Variants in PATJ observed in about 807,000 individuals in gnomAD.
The protein encoded by PATJ is PATJ crumbs cell polarity complex component, also known as inaD-like protein.
PATJ carries 190 observed loss-of-function variants against 224.9 expected under a neutral mutation model. The observed-to-expected ratio is 0.84, with a 90% CI of 0.75 to 0.95. The LOEUF (loss-of-function observed/expected upper bound fraction) is 0.95, where lower values mean the gene tolerates loss of function less well. Ranked by LOEUF, PATJ falls within the 40% of genes least tolerant of loss-of-function variation. PATJ has a pLI of 0.00. For synonymous variants in PATJ, 769 were observed against 820.3 expected (o/e 0.94, Z 1.07); for missense variants, 2,121 against 2,270.3 (o/e 0.93, Z 1.34).
intron 14 of PATJ, among the ~76,000 whole-genome samples, chr1:61,812,396 A>AGAGAG (rs1654999435): frequency 2.8e-5 from 1 of 35,472 alleles, no homozygotes; most frequent in African/African-American, 1.0e-4. Flanking sequence ...GAGAGAGAGA[A>AGAGAG]TGTGAGTGAC....
intron 1 of PATJ, among the ~76,000 whole-genome samples, chr1:61,757,364 A>G (rs1645707747): frequency 1.3e-5 from 2 of 151,002 alleles, no homozygotes; most frequent in Non-Finnish European, 3.0e-5. Context: ...GAGCCACTGC[A>G]TTGGGCCCTA....
At chr1:61,941,736 T>G (rs1677855603) in intron 27 of PATJ, among the ~76,000 whole-genome samples, 1 of 152,224 alleles carries the variant, frequency 6.6e-6, no homozygotes, top group Non-Finnish European at 1.5e-5. Flanking sequence ...AACTTTTTAA[T>G]AAATTTTAAT....
Position 62,084,659 on chromosome 1 carries a change from A to G in PATJ, c.4377+11A>G, listed in dbSNP as rs1161044307. 3.7e-6 allele frequency: 6 copies of G among 1,611,932 alleles called. No individual in the cohort carries two copies. The highest frequency in any genetic ancestry group is 5.1e-6 in the Non-Finnish European group (6 of 1,179,244). ...AAAGACACACCCTTGGTAAGTTTCTAGAAATAAAATGTATCCACTGTCATA... is the reference window on the plus strand; with the variant it reads ...AAAGACACACCCTTGGTAAGTTTCTGGAAATAAAATGTATCCACTGTCATA... On this transcript the variant is annotated intron_variant, in intron 33 of 43. Transcript: ENST00000642238.
intron 14 of PATJ, among the ~76,000 whole-genome samples, chr1:61,812,897 T>C (rs1174367760): frequency 6.6e-6 from 1 of 152,030 alleles, no homozygotes; most frequent in Non-Finnish European, 1.5e-5. Flanking sequence ...CGAAAGACCC[T>C]GGGGTGTTTA....
At chr1:61,833,906 T>TTC in intron 17 of PATJ, 121 bp downstream of exon 17, 3 of 777,680 alleles carry the variant, frequency 3.9e-6, no homozygotes, top group Non-Finnish European at 6.1e-6. Flanking sequence ...AAAGATGGGA[T>TTC]ATTATACTAC....
chr1:62,082,170 G>T (rs1315877849), intron 32 of PATJ, among the ~76,000 whole-genome samples: 2 of 152,088 alleles, frequency 1.3e-5, no homozygotes, highest in African/African-American at 4.8e-5. Flanking sequence ...CCATAGGCTG[G>T]CCATAGGCTA....
chr1:61,855,191 C>T (rs1017325233), intron 17 of PATJ, among the ~76,000 whole-genome samples: 2 of 152,200 alleles, frequency 1.3e-5, no homozygotes, highest in East Asian at 3.9e-4. Flanking sequence ...AGAGGAGTAA[C>T]AGACAGGCTT....
intron 41 of PATJ, among the ~76,000 whole-genome samples, chr1:62,141,872 A>T (rs1667539804): frequency 6.6e-6 from 1 of 152,110 alleles, no homozygotes; most frequent in Admixed American, 6.5e-5. Context: ...TGGGAGGCGG[A>T]GGCAAGAGAA....
chr1:61,905,057 C>G (rs1671678084), intron 24 of PATJ, among the ~76,000 whole-genome samples: 1 of 148,170 alleles, frequency 6.7e-6, no homozygotes, highest in African/African-American at 2.5e-5. Context: ...CCTCTATCTA[C>G]AAAGAAACTA....
At position 62,139,110 on chromosome 1, in the gene PATJ, G is replaced by A. The variant is rs1168125504; in HGVS notation, c.5272-9174G>A. ...GAGTGTAAGATTTACTTTTAAAAAAGAGCAAACTGGCCGGGCACGGTGGCT... is the reference window on the plus strand; with the variant it reads ...GAGTGTAAGATTTACTTTTAAAAAAAAGCAAACTGGCCGGGCACGGTGGCT... On this transcript the variant is annotated intron_variant, in intron 41 of 43. Transcript: ENST00000642238. Among the ~76,000 whole-genome samples the A allele has an allele frequency of 5.3e-5, 8 of 152,106 alleles. No individual in the cohort carries two copies. In the East Asian group the frequency reaches 1.5e-3, roughly 29 times the overall value.
At chr1:61,807,397 G>A (rs1309692098) in intron 13 of PATJ, among the ~76,000 whole-genome samples, 6 of 151,964 alleles carry the variant, frequency 3.9e-5, no homozygotes, top group South Asian at 2.1e-4. Context: ...GTCTGGTCTC[G>A]AACTCCTGGG....
chr1:61,869,613 A>T (rs1571001628), intron 20 of PATJ, among the ~76,000 whole-genome samples: 1 of 152,314 alleles, frequency 6.6e-6, no homozygotes, highest in Non-Finnish European at 1.5e-5. Context: ...TTTAGTTTAT[A>T]ATAATCTTCA....
At chr1:61,825,388 C>G (rs921494593) in intron 15 of PATJ, among the ~76,000 whole-genome samples, 4 of 152,110 alleles carry the variant, frequency 2.6e-5, no homozygotes, top group Non-Finnish European at 4.4e-5. Context: ...GTTGAAGGAC[C>G]TTGAGAAGTA....
intron 27 of PATJ, among the ~76,000 whole-genome samples, chr1:61,934,323 G>A (rs1029492819): frequency 1.3e-5 from 2 of 152,192 alleles, no homozygotes; most frequent in African/African-American, 4.8e-5. Flanking sequence ...TCATCATGTT[G>A]GCCAGGCTGG....
intron 41 of PATJ, among the ~76,000 whole-genome samples, chr1:62,139,771 T>C (rs908716839): frequency 2.0e-5 from 3 of 148,966 alleles, no homozygotes; most frequent in African/African-American, 7.5e-5. Flanking sequence ...TTTTTTTCTT[T>C]TTTTTTGAGA....
At chr1:61,880,711 A>G (rs1052527732) in intron 21 of PATJ, among the ~76,000 whole-genome samples, 1 of 152,224 alleles carries the variant, frequency 6.6e-6, no homozygotes, top group Non-Finnish European at 1.5e-5. Flanking sequence ...CACGTGTTTG[A>G]GCTTTCAGTC....
intron 27 of PATJ, among the ~76,000 whole-genome samples, chr1:61,979,186 AAAG>A (rs1644311113): frequency 6.6e-6 from 1 of 152,084 alleles, no homozygotes; most frequent in Admixed American, 6.5e-5. Context: ...CCTGGTGCCA[AAAG>A]AAGTAGTTTA....
At chr1:61,769,929 A>G (rs1646506272) in intron 5 of PATJ, among the ~76,000 whole-genome samples, 1 of 152,114 alleles carries the variant, frequency 6.6e-6, no homozygotes, top group South Asian at 2.1e-4. Flanking sequence ...AGGCCCCTCA[A>G]GTCTATGTTA....
At chr1:61,835,402 G>A (rs1213066193) in intron 17 of PATJ, among the ~76,000 whole-genome samples, 1 of 151,848 alleles carries the variant, frequency 6.6e-6, no homozygotes, top group Non-Finnish European at 1.5e-5. Context: ...TTGTTTGTTT[G>A]TTTGTTTGTT....
Sources: allele counts gnomAD v4.1 joint callset (sites outside exome capture counted in the v4.1 genomes callset), GRCh38; gene constraint gnomAD v4.1.1; transcripts MANE v1.5; gene names NCBI Gene and HGNC (gene_info 2026-07-23, HGNC 2026-07-21).